The following NUMB variants were observed in gnomAD, a reference collection of about 807,000 sequenced individuals.
The protein encoded by NUMB is NUMB endocytic adaptor protein.
A neutral mutation model predicts 59.7 loss-of-function variants in NUMB; 29 were observed. That is an observed-to-expected ratio of 0.49 (90% confidence interval 0.36 to 0.66). The LOEUF (loss-of-function observed/expected upper bound fraction) is 0.66, where lower values mean the gene tolerates loss of function less well. Among genes scored for constraint, NUMB ranks in the 30% least tolerant of loss-of-function variants. The pLI, the probability that NUMB is intolerant of heterozygous loss-of-function variation, is 0.00. For missense variants in NUMB, 723 were observed against 822.0 expected, an observed-to-expected ratio of 0.88 and a Z score of 1.47; for synonymous variants, 288 against 288.2, an observed-to-expected ratio of 1.00 and a Z score of 0.01.
chr14:73,391,661 A>G (rs891894008), intron 2 of NUMB, among the ~76,000 whole-genome samples: 3 of 152,198 alleles, frequency 2.0e-5, no homozygotes, highest in African/African-American at 7.2e-5. Flanking sequence ...GGTTTCTAAC[A>G]CAGTAGGTCT....
intron 1 of NUMB, among the ~76,000 whole-genome samples, chr14:73,447,703 GAAC>G (rs912230774): frequency 7.4e-5 from 11 of 147,728 alleles, no homozygotes; most frequent in African/African-American, 1.2e-4. Flanking sequence ...AAAAAATAAA[GAAC>G]AACATTTGAT....
At chr14:73,406,999 G>A (rs893946547) in intron 2 of NUMB, among the ~76,000 whole-genome samples, 1 of 151,924 alleles carries the variant, frequency 6.6e-6, no homozygotes, top group Non-Finnish European at 1.5e-5. Flanking sequence ...GCACCACCAC[G>A]TCCAGCTAAT....
At chr14:73,431,592 T>C (rs747681446) in intron 1 of NUMB, among the ~76,000 whole-genome samples, 8 of 150,884 alleles carry the variant, frequency 5.3e-5, no homozygotes, top group African/African-American at 1.9e-4. Flanking sequence ...ACTAAAAAAA[T>C]ACAAAAATTA....
chr14:73,380,421 G>A (rs189439647), intron 2 of NUMB, among the ~76,000 whole-genome samples: 1 of 152,282 alleles, frequency 6.6e-6, no homozygotes, highest in Non-Finnish European at 1.5e-5. Context: ...CTGATAAAAT[G>A]TAAAGGTTTA....
intron 2 of NUMB, among the ~76,000 whole-genome samples, chr14:73,385,894 G>C (rs1001145965): frequency 4.6e-5 from 7 of 152,150 alleles, no homozygotes; most frequent in African/African-American, 1.7e-4. Context: ...TGGAGAAAAT[G>C]AGTTTGATAG....
intron 11 of NUMB, among the ~76,000 whole-genome samples, chr14:73,280,215 G>A (rs1016207496): frequency 6.6e-6 from 1 of 151,780 alleles, no homozygotes; most frequent in African/African-American, 2.4e-5. Context: ...TATATGATTC[G>A]TTATTATGTG....
At chr14:73,304,509 A>G (rs116538622) in intron 6 of NUMB, among the ~76,000 whole-genome samples, 2,578 of 152,046 alleles carry the variant, frequency 0.017, 80 homozygotes, top group African/African-American at 0.059. Context: ...TGGTCTTGCT[A>G]TGTTGCCCAG....
chr14:73,358,821 T>C (rs1163585717), intron 3 of NUMB, among the ~76,000 whole-genome samples: 2 of 152,106 alleles, frequency 1.3e-5, no homozygotes, highest in Admixed American at 6.6e-5. Context: ...TACTATAAAT[T>C]TGAAGAATTG....
intron 3 of NUMB, among the ~76,000 whole-genome samples, chr14:73,366,696 C>T (rs954267870): frequency 2.6e-5 from 4 of 152,082 alleles, no homozygotes; most frequent in African/African-American, 9.7e-5. Flanking sequence ...CCCTTAAATA[C>T]CATTTATACT....
chr14:73,454,304 CA>C (rs1299651094), intron 1 of NUMB, among the ~76,000 whole-genome samples: 2 of 152,072 alleles, frequency 1.3e-5, no homozygotes, highest in East Asian at 3.8e-4. Flanking sequence ...TTACACACAA[CA>C]GATGTGTTTT....
chr14:73,429,348 G>A (rs1313070911), intron 1 of NUMB, among the ~76,000 whole-genome samples: 1 of 151,978 alleles, frequency 6.6e-6, no homozygotes, highest in Non-Finnish European at 1.5e-5. Context: ...CTCCAGCCTG[G>A]GTGACAGAGC....
In NUMB at chr14:73,287,411, T is replaced by TA. The variant is rs1889090435; in HGVS notation, c.451-98dup. ...TTGTTTTGTTTTTGAGACAGAGTCT[T>TA]ACTGTTACCCAGGCTGGAGTGCAGT... On this transcript the variant is annotated intron_variant, in intron 8 of 12. Transcript: ENST00000555238. 4.6e-6 allele frequency: 5 copies of TA among 1,097,786 alleles called. No individual in the cohort carries two copies. The East Asian group carries it at 1.3e-4, about 28-fold the overall frequency. 68.0% of individuals were successfully genotyped at this position (1,097,786 alleles called of 1,614,324 possible).
At chr14:73,435,393 C>T (rs1294989499) in intron 1 of NUMB, among the ~76,000 whole-genome samples, 1 of 151,500 alleles carries the variant, frequency 6.6e-6, no homozygotes, top group Non-Finnish European at 1.5e-5. Flanking sequence ...CCTGCCTCAG[C>T]CTCCTGAGTA....
At chr14:73,388,441 T>G (rs1421770301) in intron 2 of NUMB, among the ~76,000 whole-genome samples, 1 of 152,222 alleles carries the variant, frequency 6.6e-6, no homozygotes, top group Admixed American at 6.5e-5. Context: ...TTTTAATGAT[T>G]GTATTATAGC....
At chr14:73,341,625 A>G (rs189413587) in intron 4 of NUMB, among the ~76,000 whole-genome samples, 255 of 152,292 alleles carry the variant, frequency 1.7e-3, no homozygotes, top group African/African-American at 6.0e-3. Context: ...GTAGGATCAC[A>G]GACCCCTATA....
intron 4 of NUMB, among the ~76,000 whole-genome samples, chr14:73,325,285 TAGTG>T (rs1891603315): frequency 6.6e-6 from 1 of 152,048 alleles, no homozygotes; most frequent in Non-Finnish European, 1.5e-5. Flanking sequence ...CTGGACAACA[TAGTG>T]AGACCCTGTC....
chr14:73,348,860 T>C (rs1893046940), intron 4 of NUMB, among the ~76,000 whole-genome samples: 1 of 152,204 alleles, frequency 6.6e-6, no homozygotes, highest in African/African-American at 2.4e-5. Context: ...TTAGAAGAAG[T>C]GCTTCAATTA....
At chr14:73,441,319 G>A (rs1322260829) in intron 1 of NUMB, among the ~76,000 whole-genome samples, 4 of 152,058 alleles carry the variant, frequency 2.6e-5, no homozygotes, top group African/African-American at 7.2e-5. Context: ...GGAGGCCAAG[G>A]CAGGCAGATC....
intron 2 of NUMB, among the ~76,000 whole-genome samples, chr14:73,381,951 C>T (rs1204249917): frequency 5.9e-5 from 9 of 152,112 alleles, no homozygotes; most frequent in African/African-American, 1.9e-4. Context: ...CTGGGGCAAC[C>T]AGCTTCAAAC....
Sources: allele counts gnomAD v4.1 joint callset (sites outside exome capture counted in the v4.1 genomes callset), GRCh38; gene constraint gnomAD v4.1.1; transcripts MANE v1.5; gene names NCBI Gene and HGNC (gene_info 2026-07-23, HGNC 2026-07-21).